The following EPC2 variants were observed in gnomAD, a reference collection of about 807,000 sequenced individuals.
EPC2 encodes the protein enhancer of polycomb 2.
A neutral mutation model predicts 92.1 loss-of-function variants in EPC2; 14 were observed. The ratio of observed to expected loss-of-function variants is 0.15; its 90% CI spans 0.10 to 0.24. EPC2 has a LOEUF of 0.24. EPC2 is among the 10% of genes least tolerant of loss of function. The pLI, the probability that EPC2 is intolerant of heterozygous loss-of-function variation, is 1.00. For missense variants in EPC2, 755 were observed against 971.5 expected (o/e 0.78, Z 2.96); for synonymous variants, 340 against 334.7 (o/e 1.02, Z -0.17).
At chr2:148,755,989 A>T (rs896867797) in intron 4 of EPC2, among the ~76,000 whole-genome samples, 1 of 152,236 alleles carries the variant, frequency 6.6e-6, no homozygotes, top group Non-Finnish European at 1.5e-5. Flanking sequence ...GAAGGAAATT[A>T]TTGGACTTCC....
intron 4 of EPC2, among the ~76,000 whole-genome samples, chr2:148,755,568 T>C (rs955517258): frequency 1.4e-4 from 21 of 152,300 alleles, no homozygotes; most frequent in African/African-American, 5.1e-4. Flanking sequence ...ACCTTTTCTA[T>C]GTTTAGATAT....
At chr2:148,751,558 T>G (rs1027909799) in intron 3 of EPC2, among the ~76,000 whole-genome samples, 1 of 152,152 alleles carries the variant, frequency 6.6e-6, no homozygotes, top group Non-Finnish European at 1.5e-5. Context: ...CTCAGTATGC[T>G]GTCCAGACTG....
At chr2:148,780,059 A>G (rs1169824031) in intron 10 of EPC2, among the ~76,000 whole-genome samples, 9 of 152,238 alleles carry the variant, frequency 5.9e-5, no homozygotes, top group Non-Finnish European at 1.0e-4. Flanking sequence ...TAGAATTTAA[A>G]AAAAATTTTT....
chr2:148,720,838 A>C (rs980072460), intron 2 of EPC2, among the ~76,000 whole-genome samples: 2 of 152,010 alleles, frequency 1.3e-5, no homozygotes, highest in Non-Finnish European at 2.9e-5. Flanking sequence ...CAATGCGACT[A>C]CCTGGATTAT....
intron 2 of EPC2, among the ~76,000 whole-genome samples, chr2:148,739,359 C>G (rs1682829474): frequency 6.6e-6 from 1 of 152,106 alleles, no homozygotes; most frequent in Admixed American, 6.5e-5. Flanking sequence ...CCCCTTTAAC[C>G]TGAAAATATC....
chr2:148,756,192 C>T (rs140851037), intron 4 of EPC2, among the ~76,000 whole-genome samples: 412 of 152,282 alleles, frequency 2.7e-3, no homozygotes, highest in Non-Finnish European at 4.4e-3. Flanking sequence ...ACTCTGATTC[C>T]TACCCTTTCT....
chr2:148,773,843 T>G (rs1409551041), intron 10 of EPC2, among the ~76,000 whole-genome samples: 1 of 152,154 alleles, frequency 6.6e-6, no homozygotes, highest in Non-Finnish European at 1.5e-5. Context: ...CTCATCTACC[T>G]AAATAGAAGG....
chr2:148,665,143 C>G (rs780444879), intron 1 of EPC2, among the ~76,000 whole-genome samples: 30 of 152,162 alleles, frequency 2.0e-4, no homozygotes, highest in Non-Finnish European at 3.7e-4. Flanking sequence ...CATCCTAGAC[C>G]TGTGAAATCA....
intron 1 of EPC2, among the ~76,000 whole-genome samples, chr2:148,663,667 CTTA>C (rs1680994778): frequency 1.8e-5 from 2 of 108,882 alleles, no homozygotes; most frequent in Admixed American, 1.5e-4. Flanking sequence ...CACTGGCTTT[CTTA>C]TTCACTCTAT....
chr2:148,673,144 AATT>A (rs1375406808), intron 1 of EPC2, among the ~76,000 whole-genome samples: 6 of 152,156 alleles, frequency 3.9e-5, no homozygotes, highest in Non-Finnish European at 5.9e-5. Context: ...ACTTGATTAT[AATT>A]ATTATAATGT....
chr2:148,712,205 C>G (rs1682157309), intron 2 of EPC2, among the ~76,000 whole-genome samples: 1 of 151,878 alleles, frequency 6.6e-6, no homozygotes, highest in Non-Finnish European at 1.5e-5. Context: ...GTTTTCTCTC[C>G]TTTCTTAGCA....
intron 2 of EPC2, among the ~76,000 whole-genome samples, chr2:148,698,472 C>T: frequency 6.6e-6 from 1 of 151,708 alleles, no homozygotes; most frequent in Non-Finnish European, 1.5e-5. Context: ...CCTATCTCTA[C>T]TAAAAATACA....
At chr2:148,685,797 G>A (rs1158917798) in intron 1 of EPC2, among the ~76,000 whole-genome samples, 1 of 152,086 alleles carries the variant, frequency 6.6e-6, no homozygotes, top group East Asian at 1.9e-4. Context: ...TAAAAGTTAT[G>A]CTTATACTAT....
At position 148,738,123 on chromosome 2, in the gene EPC2, A is replaced by AAACAAC. The variant is rs3077276; in HGVS notation, c.314-5481_314-5476dup. Among the ~76,000 whole-genome samples, 44 of 152,006 alleles carry AAACAAC rather than the reference A, an allele frequency of 2.9e-4. 1 individual carries two copies. Among genetic ancestry groups the AAACAAC allele is most frequent in the South Asian group, 2.7e-3 (13 of 4,802 alleles). On this transcript the variant is annotated intron_variant, in intron 2 of 13. Coordinates refer to ENST00000258484, the MANE Select transcript of EPC2 (RefSeq NM_015630.4). Reference sequence around the variant, plus strand: ...TACCCGTAAAGATTTATGCCATTTGAAACAACAACAACAACAACAACAAAA... The same window carrying AAACAAC: ...TACCCGTAAAGATTTATGCCATTTGAAACAACAACAACAACAACAACAACAACAAAA...
At chr2:148,706,390 C>T (rs1025046829) in intron 2 of EPC2, among the ~76,000 whole-genome samples, 1 of 152,028 alleles carries the variant, frequency 6.6e-6, no homozygotes, top group Non-Finnish European at 1.5e-5. Context: ...CTGAAAGTGG[C>T]GGGGAGAATG....
intron 8 of EPC2, among the ~76,000 whole-genome samples, chr2:148,770,431 G>T (rs1239743135): frequency 6.6e-6 from 1 of 152,018 alleles, no homozygotes; most frequent in Non-Finnish European, 1.5e-5. Flanking sequence ...TATTCTTTCT[G>T]GTTTCTCAGT....
intron 12 of EPC2, 138 bp from the exon 13 acceptor site, chr2:148,784,530 C>T (rs900113371): frequency 3.0e-6 from 2 of 665,088 alleles, no homozygotes; most frequent in Non-Finnish European, 2.5e-6. Flanking sequence ...CAGAAGCTCC[C>T]TTTGGAGAGA....
At chr2:148,722,725 A>C (rs1018525197) in intron 2 of EPC2, among the ~76,000 whole-genome samples, 2 of 152,230 alleles carry the variant, frequency 1.3e-5, no homozygotes, top group African/African-American at 4.8e-5. Context: ...ATCCACATGT[A>C]TGTTCATTGC....
At chr2:148,684,867 G>T (rs935061740) in intron 1 of EPC2, among the ~76,000 whole-genome samples, 9 of 152,194 alleles carry the variant, frequency 5.9e-5, no homozygotes, top group African/African-American at 2.2e-4. Context: ...ATACATGCCG[G>T]AATTTGTATC....
Sources: allele counts gnomAD v4.1 joint callset (sites outside exome capture counted in the v4.1 genomes callset), GRCh38; gene constraint gnomAD v4.1.1; transcripts MANE v1.5; gene names NCBI Gene and HGNC (gene_info 2026-07-23, HGNC 2026-07-21).